PTBP2: variants seen among roughly 807,000 people sequenced by gnomAD.
PTBP2 encodes the protein polypyrimidine tract binding protein 2.
A neutral mutation model predicts 61.4 loss-of-function variants in PTBP2; 13 were observed. The ratio of observed to expected loss-of-function variants is 0.21; its 90% CI spans 0.14 to 0.34. The LOEUF (loss-of-function observed/expected upper bound fraction) is 0.34. PTBP2 is among the 10% of genes least tolerant of loss of function. PTBP2 has a pLI of 1.00. For missense variants in PTBP2, 405 were observed against 642.6 expected (o/e 0.63, Z 4.00); for synonymous variants, 215 against 218.5 (o/e 0.98, Z 0.14).
intron 2 of PTBP2, among the ~76,000 whole-genome samples, chr1:96,733,236 C>CA (rs1651695189): frequency 6.6e-6 from 1 of 152,114 alleles, no homozygotes. Flanking sequence ...GACTCTGTCT[C>CA]ACATCACATC....
intron 3 of PTBP2, among the ~76,000 whole-genome samples, chr1:96,755,871 C>T (rs965583552): frequency 3.3e-5 from 5 of 152,074 alleles, no homozygotes; most frequent in Admixed American, 1.3e-4. Flanking sequence ...CAGGAAAACT[C>T]GGGAGTGATG....
At chr1:96,727,119 A>G (rs1210839286) in intron 2 of PTBP2, among the ~76,000 whole-genome samples, 2 of 152,152 alleles carry the variant, frequency 1.3e-5, no homozygotes, top group African/African-American at 4.8e-5. Flanking sequence ...AGATTAGTTC[A>G]CACTTTTTAG....
At chr1:96,727,187 C>T (rs1650688751) in intron 2 of PTBP2, among the ~76,000 whole-genome samples, 1 of 152,158 alleles carries the variant, frequency 6.6e-6, no homozygotes, top group Non-Finnish European at 1.5e-5. Flanking sequence ...TTAGTCCACT[C>T]AGAATAATTA....
intron 2 of PTBP2, among the ~76,000 whole-genome samples, chr1:96,731,603 T>C (rs538752101): frequency 1.3e-5 from 2 of 152,296 alleles, no homozygotes; most frequent in African/African-American, 2.4e-5. Flanking sequence ...AAACTAGGTC[T>C]AATGTTAATG....
chr1:96,802,512 C>T (rs1661123734), intron 8 of PTBP2, among the ~76,000 whole-genome samples: 1 of 152,000 alleles, frequency 6.6e-6, no homozygotes, highest in Admixed American at 6.5e-5. Flanking sequence ...GCTTAGTGGG[C>T]CCTTAGAATT....
At chr1:96,763,946 G>A (rs1656356173) in intron 3 of PTBP2, among the ~76,000 whole-genome samples, 2 of 152,154 alleles carry the variant, frequency 1.3e-5, no homozygotes, top group South Asian at 4.1e-4. Flanking sequence ...AATACTCCAT[G>A]TAATTCAGAT....
intron 8 of PTBP2, among the ~76,000 whole-genome samples, chr1:96,800,471 CCT>C (rs1365737628): frequency 1.3e-5 from 2 of 149,912 alleles, no homozygotes; most frequent in African/African-American, 4.9e-5. Flanking sequence ...GTGGCTCACA[CCT>C]GTAATCCCAG....
At chr1:96,760,313 T>C (rs886363130) in intron 3 of PTBP2, among the ~76,000 whole-genome samples, 2 of 151,820 alleles carry the variant, frequency 1.3e-5, no homozygotes, top group African/African-American at 4.8e-5. Context: ...TCAAAACCAT[T>C]AGAGATAGAA....
exon 14 of PTBP2, chr1:96,821,178 T>C (rs1662672401): frequency 6.6e-6 from 1 of 152,164 alleles, no homozygotes; most frequent in Non-Finnish European, 1.5e-5. Flanking sequence ...GTTGGGAATA[T>C]CTAGTGGTAC....
chr1:96,723,416 G>C (rs1199959391), intron 1 of PTBP2, 148 bp from the exon 2 acceptor site: 1 of 555,576 alleles, frequency 1.8e-6, no homozygotes, highest in Admixed American at 3.0e-5. Context: ...GGTAAGTCAC[G>C]GATCATCTGT....
chr1:96,803,393 A>G (rs545637313), intron 8 of PTBP2, among the ~76,000 whole-genome samples: 1 of 152,156 alleles, frequency 6.6e-6, no homozygotes, highest in East Asian at 1.9e-4. Flanking sequence ...ATGTATAGCC[A>G]TAAAAAAAAG....
intron 9 of PTBP2, 150 bp from the exon 10 acceptor site, chr1:96,806,269 G>T: frequency 1.5e-6 from 1 of 686,848 alleles, no homozygotes; most frequent in Non-Finnish European, 2.6e-6. Context: ...GGACCAACTT[G>T]CCCCAATTAA....
chr1:96,770,009 A>T (rs1227564534), intron 4 of PTBP2, 134 bp downstream of exon 4: 3 of 645,138 alleles, frequency 4.7e-6, no homozygotes, highest in Non-Finnish European at 7.0e-6. Context: ...TTTCGAGTAG[A>T]TGTCTGTGGG....
In PTBP2 at chr1:96,721,946, G is replaced by C. The variant is rs1040285303; in HGVS notation, c.8+74G>C. On this transcript the variant is annotated intron_variant, in intron 1 of 13. Transcript: ENST00000674951. ...CGTCCTTCGGCCCGGTCCCGGGCCGGGGAGAAACCCTCCCGCGGCCCCTCC... is the reference window on the plus strand; with the variant it reads ...CGTCCTTCGGCCCGGTCCCGGGCCGCGGAGAAACCCTCCCGCGGCCCCTCC... 3.8e-5 allele frequency: 58 copies of C among 1,540,734 alleles called. 2 individuals are homozygous for C. In the Middle Eastern group the frequency reaches 5.9e-3, roughly 158 times the overall value.
At chr1:96,788,830 T>A (rs1659481736) in intron 8 of PTBP2, among the ~76,000 whole-genome samples, 2 of 152,076 alleles carry the variant, frequency 1.3e-5, no homozygotes. Context: ...TATGTCTGGC[T>A]TTTCTGTTTC....
Position 96,812,780 on chromosome 1 carries a change from A to T in PTBP2, c.1240A>T (p.Thr414Ser), listed in dbSNP as rs746925629. The change falls in exon 12 of 14, where the codon ACT becomes TCT. Residue 414 changes from threonine (T) to serine (S), a missense_variant. Thr to Ser is a moderately conservative substitution (Grantham distance 58). Transcript: ENST00000674951. ...IIRVTLSKHQTVQLPREGLDD... is the reference protein window; with the variant it reads ...IIRVTLSKHQSVQLPREGLDD... ...TCGTGTTACTCTGTCTAAACATCAG[A>T]CTGTACAGCTACCTCGAGAGGGACT... 1 of 1,611,314 alleles carries T rather than the reference A, an allele frequency of 6.2e-7. No homozygotes were observed. The highest frequency in any genetic ancestry group is 1.1e-5 in the South Asian group (1 of 91,014).
chr1:96,765,211 C>T (rs979010341), intron 3 of PTBP2, among the ~76,000 whole-genome samples: 4 of 152,010 alleles, frequency 2.6e-5, no homozygotes, highest in Admixed American at 2.6e-4. Context: ...AACTTCTTTG[C>T]CTCTCAGTTT....
intron 8 of PTBP2, among the ~76,000 whole-genome samples, chr1:96,802,911 A>C (rs1411433481): frequency 6.6e-6 from 1 of 152,214 alleles, no homozygotes; most frequent in African/African-American, 2.4e-5. Flanking sequence ...AGTCAGAGCT[A>C]TCTGAAAATA....
chr1:96,817,268 A>G (rs1482867736), downstream of PTBP2: 8 of 152,276 alleles, frequency 5.3e-5, no homozygotes, highest in Middle Eastern at 3.4e-3. Flanking sequence ...CTGCCTTAAT[A>G]TATTAAAATG....
Sources: allele counts gnomAD v4.1 joint callset (sites outside exome capture counted in the v4.1 genomes callset), GRCh38; gene constraint gnomAD v4.1.1; transcripts MANE v1.5; gene names NCBI Gene and HGNC (gene_info 2026-07-23, HGNC 2026-07-21).